SPOP: variants seen among roughly 807,000 people sequenced by gnomAD.
SPOP encodes speckle-type POZ protein.
SPOP carries 11 observed loss-of-function variants against 45.6 expected under a neutral mutation model. The ratio of observed to expected loss-of-function variants is 0.24; its 90% confidence interval spans 0.15 to 0.40. SPOP has a LOEUF of 0.40. Among genes scored for constraint, SPOP ranks in the 10% least tolerant of loss-of-function variants. SPOP has a pLI of 1.00. For missense variants in SPOP, 152 were observed against 465.6 expected (o/e 0.33, Z 6.20); for synonymous variants, 166 against 166.3 (o/e 1.00, Z 0.01).
intron 6 of SPOP, 56 bp downstream of exon 6, chr17:49,611,224 A>C (rs2143192235): frequency 6.4e-7 from 1 of 1,569,110 alleles, no homozygotes; most frequent in Non-Finnish European, 8.7e-7. Flanking sequence ...TTATGCAATC[A>C]CTTGTTTTTC....
intron 1 of SPOP, 26 bp from the exon 2 acceptor site, chr17:49,622,902 A>T (rs1033445654): frequency 5.9e-6 from 6 of 1,024,330 alleles, no homozygotes; most frequent in Non-Finnish European, 9.2e-6. Context: ...AAGCAAGAAA[A>T]CTTTATTAGA....
intron 1 of SPOP, among the ~76,000 whole-genome samples, chr17:49,652,805 C>G (rs2072860049): frequency 6.6e-6 from 1 of 152,160 alleles, no homozygotes; most frequent in South Asian, 2.1e-4. Flanking sequence ...ACTTAAGGAA[C>G]TTATAAATAT....
At chr17:49,659,635 A>G (rs1358239300) in intron 1 of SPOP, among the ~76,000 whole-genome samples, 4 of 152,204 alleles carry the variant, frequency 2.6e-5, no homozygotes, top group Admixed American at 6.5e-5. Flanking sequence ...TTTGTCCTAC[A>G]TGATGTTATT....
chr17:49,624,329 G>GCACACACACA (rs1159411901), intron 1 of SPOP, among the ~76,000 whole-genome samples: 1 of 85,906 alleles, frequency 1.2e-5, no homozygotes, highest in Non-Finnish European at 2.5e-5. Context: ...ACGCGCGCGC[G>GCACACACACA]CGCACACACA....
chr17:49,672,300 G>T (rs1250671701), intron 1 of SPOP, among the ~76,000 whole-genome samples: 1 of 152,208 alleles, frequency 6.6e-6, no homozygotes, highest in Non-Finnish European at 1.5e-5. Flanking sequence ...GAGGTGAAAT[G>T]TTGCTGGAGA....
intron 1 of SPOP, among the ~76,000 whole-genome samples, chr17:49,659,625 T>A (rs1381002560): frequency 2.0e-5 from 3 of 152,170 alleles, no homozygotes; most frequent in Non-Finnish European, 4.4e-5. Flanking sequence ...CACCATTAAG[T>A]TTGTCCTACA....
At chr17:49,616,874 T>G (rs991607036) in intron 5 of SPOP, among the ~76,000 whole-genome samples, 4 of 152,224 alleles carry the variant, frequency 2.6e-5, no homozygotes, top group Non-Finnish European at 5.9e-5. Flanking sequence ...TTCTAAAGTG[T>G]CATCTCACTT....
intron 1 of SPOP, among the ~76,000 whole-genome samples, chr17:49,638,830 G>C (rs892508640): frequency 6.6e-6 from 1 of 152,106 alleles, no homozygotes; most frequent in African/African-American, 2.4e-5. Flanking sequence ...TGGCCAATGT[G>C]GTAAAACCCT....
At chr17:49,621,044 G>A (rs1336846132) in intron 3 of SPOP, among the ~76,000 whole-genome samples, 1 of 152,220 alleles carries the variant, frequency 6.6e-6, no homozygotes, top group Non-Finnish European at 1.5e-5. Context: ...TGGTGGTTCA[G>A]AGACTTGCGT....
rs888419251 is a variant in SPOP at position 49,619,047 on chromosome 17, A to G, written c.414T>C (p.Arg138=). 1 of 1,614,100 alleles carries G rather than the reference A, an allele frequency of 6.2e-7. No individual in the cohort carries two copies. The highest frequency in any genetic ancestry group is 1.3e-5 in the African/African-American group (1 of 75,022). Residue 138 remains arginine, a synonymous_variant, in exon 5 of 10, where the codon CGT becomes CGC. Coordinates refer to ENST00000504102, the MANE Select transcript of SPOP (RefSeq NM_001007228.2). This position sits in a 1 kb window ranked among gnomAD's most constrained non-coding sequence, Gnocchi z 4.9. ...GKDWGFKKFI[R]RDFLLDEANG... The stretch of plus-strand genomic sequence containing the variant: ...TGGCCTCATCCAAAAGAAAATCTCT[A>G]CGGATGAATTTCTTGAATCCCCAGT...
At chr17:49,616,798 C>T (rs769959470) in intron 5 of SPOP, among the ~76,000 whole-genome samples, 2 of 152,154 alleles carry the variant, frequency 1.3e-5, no homozygotes, top group Non-Finnish European at 2.9e-5. Flanking sequence ...ACACCTGGTT[C>T]GATGGTAAGA....
At chr17:49,626,061 T>C (rs2072324307) in intron 1 of SPOP, among the ~76,000 whole-genome samples, 2 of 152,228 alleles carry the variant, frequency 1.3e-5, no homozygotes, top group Non-Finnish European at 2.9e-5. Context: ...CACACATCTC[T>C]GGTTTATAAT....
intron 1 of SPOP, among the ~76,000 whole-genome samples, chr17:49,633,073 G>A (rs2072482115): frequency 6.6e-6 from 1 of 152,114 alleles, no homozygotes; most frequent in Non-Finnish European, 1.5e-5. Context: ...TTGTATATAA[G>A]GAAAACCTAG....
At chr17:49,623,890 T>G (rs2072270151) in intron 1 of SPOP, among the ~76,000 whole-genome samples, 1 of 152,178 alleles carries the variant, frequency 6.6e-6, no homozygotes, top group Non-Finnish European at 1.5e-5. Flanking sequence ...ATTTTTTGTT[T>G]TTTCACCAGT....
intron 1 of SPOP, among the ~76,000 whole-genome samples, chr17:49,650,737 T>C (rs6504621): frequency 0.42 from 63,816 of 152,052 alleles, 13,778 homozygotes; most frequent in South Asian, 0.5. Context: ...ACTAAATTTT[T>C]CCAGAGTAAA....
At chr17:49,644,271 GA>G (rs1567792408) in intron 1 of SPOP, among the ~76,000 whole-genome samples, 2 of 152,164 alleles carry the variant, frequency 1.3e-5, no homozygotes, top group African/African-American at 2.4e-5. Context: ...AATCCATAAG[GA>G]AAGAAAATTT....
chr17:49,659,203 AT>A (rs2072954542), intron 1 of SPOP, among the ~76,000 whole-genome samples: 1 of 152,170 alleles, frequency 6.6e-6, no homozygotes, highest in African/African-American at 2.4e-5. Flanking sequence ...AATCAATTTT[AT>A]GCAAATGAAA....
chr17:49,656,611 T>C (rs907941828), intron 1 of SPOP, among the ~76,000 whole-genome samples: 1 of 152,186 alleles, frequency 6.6e-6, no homozygotes, highest in Non-Finnish European at 1.5e-5. Flanking sequence ...CCTATCTGAA[T>C]ACTACCCTTC....
At chr17:49,647,987 T>C (rs1279242296) in intron 1 of SPOP, among the ~76,000 whole-genome samples, 1 of 152,236 alleles carries the variant, frequency 6.6e-6, no homozygotes, top group African/African-American at 2.4e-5. Context: ...CATTCTTTAA[T>C]TATATTCATT....
Sources: gnomAD v4.1 joint callset for allele counts (sites outside exome capture counted in the v4.1 genomes callset) on GRCh38, gnomAD v4.1.1 for gene constraint, Gnocchi (gnomAD v3.1) non-coding constraint, MANE v1.5 for transcripts, NCBI Gene and HGNC (gene_info 2026-07-23, HGNC 2026-07-21) for gene names.